Variants in PARP12 observed in about 807,000 individuals in gnomAD.
PARP12 encodes the protein protein mono-ADP-ribosyltransferase PARP12.
A neutral mutation model predicts 72.4 loss-of-function variants in PARP12; 59 were observed. The ratio of observed to expected loss-of-function variants is 0.81; its 90% CI spans 0.66 to 1.01. The LOEUF (loss-of-function observed/expected upper bound fraction) is 1.01, where lower values mean the gene tolerates loss of function less well. Ranked by LOEUF, PARP12 falls within the 50% of genes least tolerant of loss-of-function variation. PARP12 has a pLI of 0.00. For missense variants in PARP12, 851 were observed against 914.0 expected, an observed-to-expected ratio of 0.93 and a Z score of 0.89; for synonymous variants, 403 against 371.4, an observed-to-expected ratio of 1.09 and a Z score of -0.98.
chr7:140,059,109 AG>A (rs1353295038), intron 1 of PARP12, among the ~76,000 whole-genome samples: 1 of 151,818 alleles, frequency 6.6e-6, no homozygotes, highest in African/African-American at 2.4e-5. Flanking sequence ...AAAAAAAAAA[AG>A]AAAGAAAAAA....
chr7:140,045,345 G>A (rs540434590), intron 5 of PARP12, among the ~76,000 whole-genome samples: 5 of 152,294 alleles, frequency 3.3e-5, no homozygotes, highest in African/African-American at 1.2e-4. Context: ...CATCTTATGT[G>A]CCTGGCAGTG....
intron 3 of PARP12, among the ~76,000 whole-genome samples, chr7:140,055,775 G>C (rs978144617): frequency 2.0e-5 from 3 of 152,148 alleles, no homozygotes; most frequent in Non-Finnish European, 4.4e-5. Flanking sequence ...TCCTACAACT[G>C]AAAGAAATCA....
At chr7:140,054,566 A>C in intron 4 of PARP12, 96 bp downstream of exon 4, 11 of 1,010,250 alleles carry the variant, frequency 1.1e-5, no homozygotes, top group Non-Finnish European at 1.7e-5. Flanking sequence ...CGGATGGGGT[A>C]GAGGTTTGGT....
intron 2 of PARP12, 183 bp from the exon 3 acceptor site, chr7:140,057,336 G>T (rs10237377): frequency 0.4 from 256,328 of 642,092 alleles, 56,528 homozygotes; most frequent in African/African-American, 0.72. Context: ...TTGGCTAAAA[G>T]GGGAACGAAA....
chr7:140,052,717 T>G (rs1214942426), intron 4 of PARP12, among the ~76,000 whole-genome samples: 1 of 149,492 alleles, frequency 6.7e-6, no homozygotes, highest in African/African-American at 2.5e-5. Context: ...TCCACAAACT[T>G]TCTGAAGACC....
intron 1 of PARP12, among the ~76,000 whole-genome samples, chr7:140,061,414 GA>G (rs1265296832): frequency 2.6e-5 from 4 of 152,140 alleles, no homozygotes; most frequent in African/African-American, 9.7e-5. Context: ...TACTGGGCCT[GA>G]CATGAGCAAG....
At chr7:140,062,384 T>C in intron 1 of PARP12, 138 bp downstream of exon 1, 1 of 879,396 alleles carries the variant, frequency 1.1e-6, no homozygotes, top group Non-Finnish European at 1.6e-6. Context: ...ACGCTCGCTT[T>C]AGTGAATGAC....
At chr7:140,051,964 C>CA (rs2116637542) in intron 4 of PARP12, among the ~76,000 whole-genome samples, 1 of 152,312 alleles carries the variant, frequency 6.6e-6, no homozygotes, top group African/African-American at 2.4e-5. Context: ...AAAATGTCTT[C>CA]AGCATCTCAA....
At chr7:140,049,145 C>T (rs1244510076) in intron 4 of PARP12, among the ~76,000 whole-genome samples, 1 of 152,084 alleles carries the variant, frequency 6.6e-6, no homozygotes, top group African/African-American at 2.4e-5. Flanking sequence ...GGGAGGGTGC[C>T]TGGGATTGTG....
chr7:140,046,721 A>AGTGTGTGTGTGTGTGT lies in PARP12; in HGVS notation c.986+147_986+162dup, dbSNP rs9340757. 3.4e-3 allele frequency among the ~76,000 whole-genome samples: 459 copies of AGTGTGTGTGTGTGTGT among 135,478 alleles called. 6 individuals are homozygous for AGTGTGTGTGTGTGTGT. The highest frequency in any genetic ancestry group is 7.7e-3 in the South Asian group (31 of 4,020). 88.9% of individuals were successfully genotyped at this position (135,478 alleles called of 152,430 possible). A position where few individuals can be genotyped will look rare whatever the true frequency, so the allele number is the denominator to read the frequency against. ...TCTACCTCCAGACTAGGTGGCTCAC[A>AGTGTGTGTGTGTGTGT]GTGTGTGTGTGTGTGTGTGTGTGTG... On this transcript the variant is annotated intron_variant, in intron 5 of 11. Coordinates refer to ENST00000263549, the MANE Select transcript of PARP12 (RefSeq NM_022750.4).
intron 1 of PARP12, among the ~76,000 whole-genome samples, chr7:140,060,953 G>A (rs1817420147): frequency 6.6e-6 from 1 of 152,092 alleles, no homozygotes. Context: ...CTGCCTCCTG[G>A]GCATGCTTCC....
rs763786148 is a variant in PARP12 at position 140,034,343 on chromosome 7, C to A, written c.1325-12G>T. 19 of 1,596,528 alleles carry A rather than the reference C, an allele frequency of 1.2e-5. No homozygotes were observed. The highest frequency in any genetic ancestry group is 1.5e-5 in the Non-Finnish European group (18 of 1,169,290). On this transcript the variant is annotated splice_polypyrimidine_tract_variant and intron_variant, in intron 7 of 11. Transcript: ENST00000263549. ...TTTCTGAACGAAGGCTGAAAAAAAA[C>A]ATAACCAGTGAAAAAATATACATAT...
Position 140,037,762 on chromosome 7 carries a change from G to T in PARP12, c.1277C>A (p.Thr426Asn). 6.2e-7 allele frequency: 1 copy of T among 1,614,202 alleles called. No homozygotes were observed. The highest frequency in any genetic ancestry group is 1.7e-4 in the Middle Eastern group (1 of 6,060). Residue 426 changes from threonine to asparagine, a missense_variant, in exon 7 of 12, where the codon ACC becomes AAC. This residue lies in a region of PARP12 where 347 missense variants were observed against 396.1 expected (regional missense o/e 0.88). Transcript: ENST00000263549. Reference sequence around the variant, plus strand: ...GTGCTTTCCGGCCTGGAACTTCAAGGTGGCTGCCTGGCCGTCAGACCCCGG... The same window carrying T: ...GTGCTTTCCGGCCTGGAACTTCAAGTTGGCTGCCTGGCCGTCAGACCCCGG... ...CTPGSDGQAA[T>N]LKFQAGKHNY... is the part of the protein sequence containing the mutation.
rs375488008 is a variant in PARP12 at position 140,054,630 on chromosome 7, C to G, written c.862+32G>C. On this transcript the variant is annotated intron_variant, in intron 4 of 11. Transcript: ENST00000263549. ...GAATGACAAGCAGTTACCCCTCCCACAAGTGGAATGAAGGAGCCTCTTCCA... is the reference window on the plus strand; with the variant it reads ...GAATGACAAGCAGTTACCCCTCCCAGAAGTGGAATGAAGGAGCCTCTTCCA... 4 of 1,525,520 alleles carry G rather than the reference C, an allele frequency of 2.6e-6. No individual in the cohort carries two copies. The African/African-American group carries it at 5.5e-5, about 21-fold the overall frequency. The allele number at this position is 1,525,520 out of a possible 1,614,324, so 94.5% of individuals were successfully genotyped here.
At chr7:140,053,621 A>G (rs1817056296) in intron 4 of PARP12, among the ~76,000 whole-genome samples, 1 of 152,172 alleles carries the variant, frequency 6.6e-6, no homozygotes, top group South Asian at 2.1e-4. Context: ...ATACACATAT[A>G]TATGTGTGTG....
rs746662125 is a variant in PARP12 at position 140,046,998 on chromosome 7, T to C, written c.872A>G (p.His291Arg). The C allele has an allele frequency of 8.1e-6, 13 of 1,612,720 alleles. No individual in the cohort carries two copies. The highest frequency in any genetic ancestry group is 1.3e-5 in the African/African-American group (1 of 74,998). Reference protein sequence around the residue: ...RKSCSFQDKCHRVHFHLPYRW... With the variant: ...RKSCSFQDKCRRVHFHLPYRW... ...ATACGGCAAATGGAAATGAACTCTA[T>C]GGCACTTATCTGAAATAAAAACATA... The change falls in exon 5 of 12, where the codon CAT becomes CGT. Residue 291 changes from histidine (H) to arginine (R), a missense_variant. By Grantham distance (29) the His-to-Arg change is conservative (BLOSUM62 0). This residue lies in a region of PARP12 where 492 missense variants were observed against 489.3 expected (regional missense o/e 1.01). Transcript: ENST00000263549.
At chr7:140,025,654 A>T (rs184514647) in intron 11 of PARP12, 13 of 391,220 alleles carry the variant, frequency 3.3e-5, no homozygotes, top group Non-Finnish European at 4.6e-5. Context: ...CAATGAACGC[A>T]GGTAAAATTT....
chr7:140,057,697 T>C, intron 2 of PARP12: 1 of 639,808 alleles, frequency 1.6e-6, no homozygotes, highest in Non-Finnish European at 2.6e-6. Context: ...GGCATCTGTG[T>C]GATGTTTGTG....
intron 11 of PARP12, among the ~76,000 whole-genome samples, 191 bp downstream of exon 11, chr7:140,026,006 G>A (rs944918575): frequency 2.0e-5 from 3 of 152,216 alleles, no homozygotes; most frequent in African/African-American, 4.8e-5. Flanking sequence ...CACACCTGGG[G>A]CCAAGCTCCT....
Sources: gnomAD v4.1 joint callset for allele counts (sites outside exome capture counted in the v4.1 genomes callset) on GRCh38, gnomAD v4.1.1 for gene constraint, gnomAD v4.1.1 regional missense constraint, MANE v1.5 for transcripts, NCBI Gene and HGNC (gene_info 2026-07-23, HGNC 2026-07-21) for gene names.